The following COG5 variants were observed in gnomAD, a reference collection of about 807,000 sequenced individuals.
COG5 encodes the protein conserved oligomeric Golgi complex subunit 5.
A neutral mutation model predicts 110.4 loss-of-function variants in COG5; 86 were observed. The observed-to-expected ratio is 0.78, with a 90% confidence interval of 0.65 to 0.93. COG5 has a LOEUF of 0.93. Among genes scored for constraint, COG5 ranks in the 40% least tolerant of loss-of-function variants. The probability of loss-of-function intolerance (pLI) is 0.00; values close to 1 mark genes in which losing one functional copy is unlikely to be tolerated. For missense variants in COG5, 1,077 were observed against 987.0 expected (o/e 1.09, Z -1.22); for synonymous variants, 360 against 334.6 (o/e 1.08, Z -0.83).
chr7:107,489,906 T>C (rs909033038), intron 6 of COG5, among the ~76,000 whole-genome samples: 3 of 152,126 alleles, frequency 2.0e-5, no homozygotes, highest in Admixed American at 6.6e-5. Context: ...TGCAAAATGA[T>C]AGCATCTACC....
intron 5 of COG5, among the ~76,000 whole-genome samples, chr7:107,540,567 G>A (rs1054535095): frequency 6.7e-6 from 1 of 149,862 alleles, no homozygotes; most frequent in Non-Finnish European, 1.5e-5. Flanking sequence ...GACAGGGCAA[G>A]GCCCTGTCTC....
chr7:107,428,166 G>C (rs1193154300), intron 6 of COG5, among the ~76,000 whole-genome samples: 1 of 152,172 alleles, frequency 6.6e-6, no homozygotes, highest in Non-Finnish European at 1.5e-5. Context: ...AATATGGTAT[G>C]CGGATTTATA....
intron 7 of COG5, among the ~76,000 whole-genome samples, chr7:107,391,047 A>G (rs910445301): frequency 1.8e-4 from 27 of 152,242 alleles, no homozygotes; most frequent in African/African-American, 6.5e-4. Context: ...ATGTGGTCCT[A>G]AGACTAACCT....
chr7:107,473,582 G>A (rs1380950714), intron 6 of COG5, among the ~76,000 whole-genome samples: 1 of 151,852 alleles, frequency 6.6e-6, no homozygotes, highest in Non-Finnish European at 1.5e-5. Context: ...CTGTTCATTT[G>A]AAATCTCACA....
chr7:107,344,860 G>T (rs2129037991), intron 10 of COG5, among the ~76,000 whole-genome samples: 1 of 152,248 alleles, frequency 6.6e-6, no homozygotes, highest in South Asian at 2.1e-4. Context: ...GTATTCACTG[G>T]AATAGCTCTT....
At chr7:107,549,308 T>A (rs1802706512) in intron 3 of COG5, 1 of 152,202 alleles carries the variant, frequency 6.6e-6, no homozygotes, top group African/African-American at 2.4e-5. Flanking sequence ...AGTTGCCGAA[T>A]TCTATTGTTG....
intron 6 of COG5, among the ~76,000 whole-genome samples, chr7:107,508,878 A>C (rs761121654): frequency 6.6e-6 from 1 of 152,218 alleles, no homozygotes; most frequent in Non-Finnish European, 1.5e-5. Context: ...AAGGACATCC[A>C]CACCAAAAAC....
chr7:107,523,962 T>C (rs1166105457), intron 6 of COG5, among the ~76,000 whole-genome samples: 1 of 152,226 alleles, frequency 6.6e-6, no homozygotes, highest in Admixed American at 6.5e-5. Flanking sequence ...AAAGGATATG[T>C]TCCTACAAAG....
intron 12 of COG5, among the ~76,000 whole-genome samples, chr7:107,294,456 C>A (rs1806427705): frequency 6.6e-6 from 1 of 152,128 alleles, no homozygotes; most frequent in Non-Finnish European, 1.5e-5. Context: ...TGTGCTGGCC[C>A]CCCCTAAGTT....
intron 17 of COG5, among the ~76,000 whole-genome samples, chr7:107,247,989 T>C (rs1157090865): frequency 6.6e-6 from 1 of 152,128 alleles, no homozygotes; most frequent in Admixed American, 6.5e-5. Flanking sequence ...ACCATGCCTA[T>C]GCCAAGGGGT....
In COG5 at chr7:107,234,070, C is replaced by T. The variant is rs575382001; in HGVS notation, c.2091+2380G>A. ...TGCCTCCGCCTGTCTTTTCTGTACCCATGATCCACAGGACTGGAGCCATCC... is the reference window on the plus strand; with the variant it reads ...TGCCTCCGCCTGTCTTTTCTGTACCTATGATCCACAGGACTGGAGCCATCC... On this transcript the variant is annotated intron_variant, in intron 18 of 21. Transcript: ENST00000297135. 5.6e-4 allele frequency among the ~76,000 whole-genome samples: 85 copies of T among 152,298 alleles called. 1 individual carries two copies. Among genetic ancestry groups the T allele is most frequent in the African/African-American group, 1.3e-3 (55 of 41,584 alleles).
chr7:107,243,598 A>G (rs1801821168), intron 17 of COG5, among the ~76,000 whole-genome samples: 1 of 152,002 alleles, frequency 6.6e-6, no homozygotes, highest in South Asian at 2.1e-4. Flanking sequence ...CAATGACAGT[A>G]TTAGATAGAT....
chr7:107,204,252 C>T, intron 21 of COG5, among the ~76,000 whole-genome samples: 1 of 152,122 alleles, frequency 6.6e-6, no homozygotes. Flanking sequence ...TAGCAAACTG[C>T]CTGCAGGCTG....
chr7:107,448,250 G>A (rs770936877), intron 6 of COG5, among the ~76,000 whole-genome samples: 15 of 152,100 alleles, frequency 9.9e-5, no homozygotes, highest in Non-Finnish European at 1.5e-4. Flanking sequence ...CATTGAAAGA[G>A]GCATATGAAA....
chr7:107,480,492 C>T (rs185680833), intron 6 of COG5, among the ~76,000 whole-genome samples: 52 of 151,842 alleles, frequency 3.4e-4, no homozygotes, highest in African/African-American at 1.3e-3. Flanking sequence ...CAGATCATAT[C>T]GTAAAAGAGA....
At chr7:107,452,019 G>C (rs780777771) in intron 6 of COG5, among the ~76,000 whole-genome samples, 1 of 152,040 alleles carries the variant, frequency 6.6e-6, no homozygotes, top group African/African-American at 2.4e-5. Flanking sequence ...CCTACGAATG[G>C]TTCAGTGAGT....
At chr7:107,462,259 G>A (rs371736052) in intron 6 of COG5, among the ~76,000 whole-genome samples, 11 of 152,142 alleles carry the variant, frequency 7.2e-5, no homozygotes, top group East Asian at 3.8e-4. Flanking sequence ...ATTGCTAAAG[G>A]CTAAGTGTGT....
At chr7:107,433,039 T>G (rs1001644050) in intron 6 of COG5, among the ~76,000 whole-genome samples, 1 of 151,988 alleles carries the variant, frequency 6.6e-6, no homozygotes, top group Non-Finnish European at 1.5e-5. Flanking sequence ...ACACTAACAG[T>G]GAACAATCCA....
intron 7 of COG5, among the ~76,000 whole-genome samples, chr7:107,375,377 G>A (rs555998697): frequency 4.6e-5 from 7 of 151,950 alleles, no homozygotes; most frequent in Non-Finnish European, 8.8e-5. Flanking sequence ...CATTTCTGTA[G>A]GCAAAAGTAG....
Sources: allele counts gnomAD v4.1 joint callset (sites outside exome capture counted in the v4.1 genomes callset), GRCh38; gene constraint gnomAD v4.1.1; transcripts MANE v1.5; gene names NCBI Gene and HGNC (gene_info 2026-07-23, HGNC 2026-07-21).